The following PACRG variants were observed in gnomAD, a reference collection of about 807,000 sequenced individuals.
PACRG encodes the protein parkin coregulated.
A neutral mutation model predicts 29.7 loss-of-function variants in PACRG; 29 were observed. The ratio of observed to expected loss-of-function variants is 0.98; its 90% CI spans 0.73 to 1.33. The LOEUF (loss-of-function observed/expected upper bound fraction) is 1.33. Among genes scored for constraint, PACRG ranks in the 40% most tolerant of loss-of-function variants. The pLI, the probability that PACRG is intolerant of heterozygous loss-of-function variation, is 0.00. For synonymous variants in PACRG, 116 were observed against 118.7 expected, an observed-to-expected ratio of 0.98 and a Z score of 0.15; for missense variants, 279 against 316.2, an observed-to-expected ratio of 0.88 and a Z score of 0.89.
At chr6:162,819,527 A>T (rs1787654828) in intron 2 of PACRG, among the ~76,000 whole-genome samples, 1 of 152,200 alleles carries the variant, frequency 6.6e-6, no homozygotes, top group South Asian at 2.1e-4. Context: ...AACCATAGGG[A>T]CCCAAAATGG....
Position 162,888,258 on chromosome 6 carries a change from C to A in PACRG, c.291+73977C>A, listed in dbSNP as rs6939042. 5.8e-3 allele frequency among the ~76,000 whole-genome samples: 883 copies of A among 151,848 alleles called. 14 individuals are homozygous for A. Among genetic ancestry groups the A allele is most frequent in the African/African-American group, 0.02 (841 of 41,372 alleles). ...TGGCCATCACCGAGTTGAGCACTTC[C>A]CATCCTGGAGTCTTGGCCACAACCC... is the stretch of plus-strand genomic sequence containing the variant. On this transcript the variant is annotated intron_variant, in intron 2 of 4. Coordinates refer to ENST00000366888, the MANE Select transcript of PACRG (RefSeq NM_001080379.2).
At chr6:162,768,261 C>G (rs918428893) in intron 1 of PACRG, among the ~76,000 whole-genome samples, 12 of 152,064 alleles carry the variant, frequency 7.9e-5, no homozygotes, top group African/African-American at 1.7e-4. Flanking sequence ...GATTGTCTCT[C>G]AGTACTTCAA....
intron 3 of PACRG, among the ~76,000 whole-genome samples, chr6:163,080,321 G>A (rs974726522): frequency 1.3e-5 from 2 of 152,100 alleles, no homozygotes; most frequent in African/African-American, 4.8e-5. Context: ...CAGATGAACT[G>A]AGACACAATT....
chr6:163,286,399 A>G (rs1784402683), intron 4 of PACRG, among the ~76,000 whole-genome samples: 1 of 152,210 alleles, frequency 6.6e-6, no homozygotes. Context: ...ATATTCTGTA[A>G]AGAGTATCAG....
chr6:162,884,960 A>T (rs537700268), intron 2 of PACRG, among the ~76,000 whole-genome samples: 8 of 152,262 alleles, frequency 5.3e-5, no homozygotes, highest in African/African-American at 1.9e-4. Context: ...AAACAGACAG[A>T]AGTTCTCTGC....
chr6:163,185,452 A>G (rs1046435530), intron 4 of PACRG, among the ~76,000 whole-genome samples: 2 of 152,200 alleles, frequency 1.3e-5, no homozygotes, highest in African/African-American at 4.8e-5. Flanking sequence ...TTTCAAATTA[A>G]CAGGACTTAA....
intron 4 of PACRG, among the ~76,000 whole-genome samples, chr6:163,094,575 A>G (rs539337275): frequency 7.9e-5 from 12 of 152,256 alleles, no homozygotes; most frequent in African/African-American, 2.9e-4. Flanking sequence ...CAAACTAATC[A>G]ACCATTACTT....
chr6:163,027,455 C>T (rs1807239085), intron 2 of PACRG, among the ~76,000 whole-genome samples: 1 of 152,198 alleles, frequency 6.6e-6, no homozygotes, highest in South Asian at 2.1e-4. Flanking sequence ...CAAATGTCAA[C>T]TGAATTTCTA....
At chr6:162,884,836 C>T (rs943231959) in intron 2 of PACRG, among the ~76,000 whole-genome samples, 4 of 152,168 alleles carry the variant, frequency 2.6e-5, no homozygotes, top group Non-Finnish European at 4.4e-5. Context: ...AAAGTCTCAG[C>T]GCTAAAAATC....
At chr6:163,285,022 A>G (rs1784349217) in intron 4 of PACRG, among the ~76,000 whole-genome samples, 1 of 152,090 alleles carries the variant, frequency 6.6e-6, no homozygotes, top group African/African-American at 2.4e-5. Context: ...ATATTGTCCA[A>G]ACAGCAGCCT....
At chr6:163,104,282 C>T (rs1815261703) in intron 4 of PACRG, among the ~76,000 whole-genome samples, 1 of 152,186 alleles carries the variant, frequency 6.6e-6, no homozygotes, top group Non-Finnish European at 1.5e-5. Flanking sequence ...CTTTGTTCCA[C>T]TTTTTGTGTT....
chr6:163,145,436 G>A (rs991357445), intron 4 of PACRG, among the ~76,000 whole-genome samples: 5 of 152,046 alleles, frequency 3.3e-5, no homozygotes, highest in South Asian at 4.2e-4. Context: ...GTCATATTCT[G>A]CCTAGGTCCA....
At chr6:162,832,029 TG>T (rs1442806073) in intron 2 of PACRG, among the ~76,000 whole-genome samples, 2 of 152,190 alleles carry the variant, frequency 1.3e-5, no homozygotes, top group Non-Finnish European at 2.9e-5. Flanking sequence ...TACCCAGGAA[TG>T]GGATTGCTGG....
chr6:163,312,194 T>C (rs185502695), intron 4 of PACRG, among the ~76,000 whole-genome samples: 1 of 151,832 alleles, frequency 6.6e-6, no homozygotes, highest in East Asian at 1.9e-4. Context: ...CTAGGAGGAG[T>C]TTATCAGCTA....
intron 4 of PACRG, among the ~76,000 whole-genome samples, chr6:163,212,553 G>A (rs1454066552): frequency 6.6e-6 from 1 of 152,162 alleles, no homozygotes; most frequent in Non-Finnish European, 1.5e-5. Context: ...CAAAAGGGTT[G>A]CCCAATTGCC....
chr6:163,129,980 A>T (rs1479783328), intron 4 of PACRG, among the ~76,000 whole-genome samples: 1 of 152,210 alleles, frequency 6.6e-6, no homozygotes. Flanking sequence ...GATTAACACC[A>T]ATCTGGCAAA....
At position 163,092,891 on chromosome 6, in the gene PACRG, G is replaced by A. The variant is rs1015645596; in HGVS notation, c.613+3483G>A. Among the ~76,000 whole-genome samples the A allele has an allele frequency of 2.0e-5, 3 of 152,216 alleles. No individual in the cohort carries two copies. The East Asian group carries it at 5.8e-4, about 29-fold the overall frequency. On this transcript the variant is annotated intron_variant, in intron 4 of 4. Transcript: ENST00000366888. ...TAACAACACAACCAGGCAACTGAAA[G>A]TGTTGTGTGTGACCCATAGCGCTCT...
chr6:162,795,835 AT>A (rs1273164131), intron 1 of PACRG, among the ~76,000 whole-genome samples: 1 of 152,044 alleles, frequency 6.6e-6, no homozygotes, highest in Non-Finnish European at 1.5e-5. Flanking sequence ...CATGTACTTT[AT>A]TTTTTGTTAC....
At chr6:162,934,586 C>G (rs921284749) in intron 2 of PACRG, among the ~76,000 whole-genome samples, 4 of 151,990 alleles carry the variant, frequency 2.6e-5, no homozygotes, top group African/African-American at 7.3e-5. Context: ...GAATTTAAAC[C>G]CTTTACATTC....
Sources: allele counts gnomAD v4.1 joint callset (sites outside exome capture counted in the v4.1 genomes callset), GRCh38; gene constraint gnomAD v4.1.1; transcripts MANE v1.5; gene names NCBI Gene and HGNC (gene_info 2026-07-23, HGNC 2026-07-21).